The following SOX5 variants were observed in gnomAD, a reference collection of about 807,000 sequenced individuals.
SOX5 encodes the protein SRY-box transcription factor 5.
Under a neutral mutation model 92.0 loss-of-function variants are expected in SOX5, and 9 were observed. The observed-to-expected ratio is 0.10, with a 90% confidence interval of 0.06 to 0.17. The LOEUF is 0.17. Among genes scored for constraint, SOX5 ranks in the 10% least tolerant of loss-of-function variants. The probability of loss-of-function intolerance (pLI) is 1.00; values close to 1 mark genes in which losing one functional copy is unlikely to be tolerated. For synonymous variants in SOX5, 344 were observed against 336.3 expected, an observed-to-expected ratio of 1.02 and a Z score of -0.25; for missense variants, 642 against 944.5, an observed-to-expected ratio of 0.68 and a Z score of 4.20.
intron 2 of SOX5, among the ~76,000 whole-genome samples, chr12:24,312,999 C>A (rs112268626): frequency 1.3e-5 from 2 of 152,094 alleles, no homozygotes; most frequent in African/African-American, 2.4e-5. Flanking sequence ...CGGTTGTATG[C>A]TTTTTTCTTT....
rs772255622 is a variant in SOX5 at position 23,608,115 on chromosome 12, G to GAAAAAAAAA, written c.1018-3591_1018-3583dup. Among the ~76,000 whole-genome samples the GAAAAAAAAA allele has an allele frequency of 7.7e-4, 34 of 44,066 alleles. 1 individual carries two copies. Among genetic ancestry groups the GAAAAAAAAA allele is most frequent in the South Asian group, 2.3e-3 (2 of 872 alleles). 28.9% of individuals were successfully genotyped at this position (44,066 alleles called of 152,430 possible). On this transcript the variant is annotated intron_variant, in intron 8 of 14. Coordinates refer to ENST00000451604, the MANE Select transcript of SOX5 (RefSeq NM_006940.6). ...TGAGACGTTGTCTCAAAAGAAAAAA[G>GAAAAAAAAA]AAAAAAAAAAAAAAAAAAAAAAAAA... is the stretch of plus-strand genomic sequence containing the variant.
chr12:24,058,676 T>G (rs1045723578), intron 4 of SOX5, among the ~76,000 whole-genome samples: 2 of 152,246 alleles, frequency 1.3e-5, no homozygotes, highest in Non-Finnish European at 2.9e-5. Flanking sequence ...TACAGGCTTT[T>G]TAGCCTTTAG....
chr12:23,965,155 G>A (rs533534208), intron 4 of SOX5, among the ~76,000 whole-genome samples: 1 of 152,204 alleles, frequency 6.6e-6, no homozygotes, highest in African/African-American at 2.4e-5. Flanking sequence ...GGAACAGATG[G>A]ATTATCTCGA....
intron 6 of SOX5, among the ~76,000 whole-genome samples, chr12:23,687,969 T>C (rs2087936796): frequency 6.6e-6 from 1 of 151,954 alleles, no homozygotes; most frequent in Non-Finnish European, 1.5e-5. Context: ...TCCCCTAGAA[T>C]ACTCTAGACA....
At chr12:23,906,512 G>A (rs1418187669) in intron 1 of SOX5, among the ~76,000 whole-genome samples, 5 of 152,154 alleles carry the variant, frequency 3.3e-5, no homozygotes, top group African/African-American at 1.2e-4. Flanking sequence ...GACAGCGCCA[G>A]ACTGGAGTCA....
intron 6 of SOX5, among the ~76,000 whole-genome samples, chr12:23,671,051 A>T (rs1429296906): frequency 6.6e-6 from 1 of 152,172 alleles, no homozygotes; most frequent in African/African-American, 2.4e-5. Context: ...CTTTGGGCTT[A>T]AAAACAGGGT....
intron 1 of SOX5, among the ~76,000 whole-genome samples, chr12:24,400,783 C>T (rs1400755988): frequency 6.6e-6 from 1 of 152,088 alleles, no homozygotes; most frequent in Non-Finnish European, 1.5e-5. Flanking sequence ...CTGTAGATAC[C>T]AAATAGGTTC....
At chr12:23,845,463 A>C (rs562965872) in intron 3 of SOX5, among the ~76,000 whole-genome samples, 6 of 152,346 alleles carry the variant, frequency 3.9e-5, no homozygotes, top group African/African-American at 1.4e-4. Flanking sequence ...TCTTAAAAGA[A>C]AGACTTTCTG....
At chr12:23,645,310 T>C (rs143676532) in intron 7 of SOX5, among the ~76,000 whole-genome samples, 5 of 152,230 alleles carry the variant, frequency 3.3e-5, no homozygotes, top group Admixed American at 1.3e-4. Context: ...TATGACATGC[T>C]AAAGGAATGT....
chr12:23,718,579 T>C lies in SOX5; in HGVS notation c.810+16105A>G, dbSNP rs140309122. 5.1e-3 allele frequency among the ~76,000 whole-genome samples: 780 copies of C among 152,346 alleles called. 6 individuals carry two copies. Among genetic ancestry groups the C allele is most frequent in the South Asian group, 0.019 (93 of 4,834 alleles). ...AATCTCTCATCTTTACCTCTAAAAA[T>C]GCAGATGATTTTGATTTTTCTAAAG... On this transcript the variant is annotated intron_variant, in intron 6 of 14. Transcript: ENST00000451604.
intron 8 of SOX5, among the ~76,000 whole-genome samples, chr12:23,610,876 G>A (rs2075869728): frequency 6.6e-6 from 1 of 152,074 alleles, no homozygotes; most frequent in Non-Finnish European, 1.5e-5. Context: ...AAAGTTAAAA[G>A]TATCTTTTCA....
rs995443042 is a variant in SOX5, at chr12:23,994,345, C to T, written c.-1-98321G>A. ...ACTTACTTAAAAAAATTTTAAGTAA[C>T]GTTCAAATTTTAAAGAAGAGTAATA... On this transcript the variant is annotated intron_variant, in intron 4 of 4. Transcript: ENST00000446891. 1.4e-4 allele frequency among the ~76,000 whole-genome samples: 22 copies of T among 151,926 alleles called. No homozygotes were observed. In the East Asian group the frequency reaches 3.9e-3, roughly 27 times the overall value.
chr12:23,927,060 C>T (rs1469292623), intron 1 of SOX5, among the ~76,000 whole-genome samples: 2 of 152,042 alleles, frequency 1.3e-5, no homozygotes, highest in Non-Finnish European at 2.9e-5. Flanking sequence ...TATTAGAGAA[C>T]CTAATTTTAA....
chr12:24,027,519 A>T (rs1955011633), intron 4 of SOX5, among the ~76,000 whole-genome samples: 1 of 151,796 alleles, frequency 6.6e-6, no homozygotes, highest in Non-Finnish European at 1.5e-5. Context: ...ATGTCTCTTA[A>T]CTCTGATGCC....
At position 23,604,367 on chromosome 12, in the gene SOX5, T is replaced by C; in HGVS notation, c.1164+20A>G. 1.2e-6 allele frequency: 2 copies of C among 1,612,982 alleles called. No homozygotes were observed. Among genetic ancestry groups the C allele is most frequent in the East Asian group, 2.2e-5 (1 of 44,862 alleles). On this transcript the variant is annotated intron_variant, in intron 9 of 14. Transcript: ENST00000451604. ...AAAATAAAGCTAAGTGGCAAGACAG[T>C]GGCTTCTTCAAAAGGGTACCTTGCT...
chr12:24,300,684 T>G (rs1947845012), intron 2 of SOX5, among the ~76,000 whole-genome samples: 1 of 152,198 alleles, frequency 6.6e-6, no homozygotes, highest in South Asian at 2.1e-4. Context: ...TTTCTTAAAT[T>G]TTCATACTTT....
At chr12:23,562,280 A>C (rs1323716627) in intron 11 of SOX5, among the ~76,000 whole-genome samples, 1 of 152,184 alleles carries the variant, frequency 6.6e-6, no homozygotes, top group East Asian at 1.9e-4. Context: ...GGACCAGGGA[A>C]AGAGCAGTTG....
intron 1 of SOX5, among the ~76,000 whole-genome samples, chr12:23,908,068 T>C (rs2097312272): frequency 6.6e-6 from 1 of 152,156 alleles, no homozygotes; most frequent in Admixed American, 6.5e-5. Flanking sequence ...AATTGTTCCA[T>C]AATCAAAAGT....
At chr12:24,513,919 C>T (rs1212093495) in intron 1 of SOX5, among the ~76,000 whole-genome samples, 1 of 152,228 alleles carries the variant, frequency 6.6e-6, no homozygotes, top group Non-Finnish European at 1.5e-5. Flanking sequence ...ATCCTTTCCA[C>T]TGCTAGACAG....
Sources: gnomAD v4.1 joint callset for allele counts (sites outside exome capture counted in the v4.1 genomes callset) on GRCh38, gnomAD v4.1.1 for gene constraint, MANE v1.5 for transcripts, NCBI Gene and HGNC (gene_info 2026-07-23, HGNC 2026-07-21) for gene names.